Variants in SPAG17 observed in about 807,000 individuals in gnomAD.
The protein encoded by SPAG17 is sperm-associated antigen 17.
A neutral mutation model predicts 273.6 loss-of-function variants in SPAG17; 169 were observed. The ratio of observed to expected loss-of-function variants is 0.62; its 90% CI spans 0.55 to 0.70. The LOEUF (loss-of-function observed/expected upper bound fraction) is 0.70. SPAG17 is among the 30% of genes least tolerant of loss of function. SPAG17 has a pLI of 0.00. For synonymous variants in SPAG17, 825 were observed against 873.2 expected, an observed-to-expected ratio of 0.94 and a Z score of 0.97; for missense variants, 2,557 against 2,627.8, an observed-to-expected ratio of 0.97 and a Z score of 0.59.
At chr1:117,976,749 G>A (rs1412345403) in intron 43 of SPAG17, among the ~76,000 whole-genome samples, 9 of 152,182 alleles carry the variant, frequency 5.9e-5, no homozygotes, top group Admixed American at 5.9e-4. Context: ...GTACCAGTCT[G>A]GGGCAGAGCT....
intron 48 of SPAG17, chr1:117,963,444 A>G (rs923762067): frequency 6.4e-6 from 1 of 155,096 alleles, no homozygotes; most frequent in African/African-American, 2.4e-5. Flanking sequence ...GCTCACTGCA[A>G]GCTCCGCTTC....
intron 1 of SPAG17, among the ~76,000 whole-genome samples, chr1:118,179,834 T>C (rs1660859354): frequency 6.6e-6 from 1 of 151,842 alleles, no homozygotes; most frequent in African/African-American, 2.4e-5. Flanking sequence ...AAAAGGTATA[T>C]GAAAAGATGC....
At chr1:118,093,520 T>C (rs944950471) in intron 7 of SPAG17, among the ~76,000 whole-genome samples, 6 of 152,222 alleles carry the variant, frequency 3.9e-5, no homozygotes, top group East Asian at 1.9e-4. Flanking sequence ...TACCGCAATA[T>C]GGACTGTTTC....
intron 36 of SPAG17, 59 bp downstream of exon 36, chr1:117,992,407 A>AGC: frequency 1.4e-6 from 2 of 1,477,050 alleles, no homozygotes; most frequent in Non-Finnish European, 1.8e-6. Context: ...TTAGGAAACC[A>AGC]AAAGCAATGA....
chr1:118,116,514 C>A (rs1030789366), intron 3 of SPAG17, among the ~76,000 whole-genome samples: 4 of 152,180 alleles, frequency 2.6e-5, no homozygotes, highest in Admixed American at 2.6e-4. Context: ...GTGCACACTG[C>A]ATCTCACGGA....
intron 3 of SPAG17, among the ~76,000 whole-genome samples, chr1:118,128,520 A>T (rs533332453): frequency 6.6e-6 from 1 of 152,274 alleles, no homozygotes; most frequent in African/African-American, 2.4e-5. Flanking sequence ...GCTTCGTAGA[A>T]ATGACTCAGG....
intron 3 of SPAG17, among the ~76,000 whole-genome samples, chr1:118,116,654 T>C (rs1362567479): frequency 6.6e-6 from 1 of 152,192 alleles, no homozygotes; most frequent in Non-Finnish European, 1.5e-5. Context: ...CAGAAGGCTC[T>C]ATGGATTACC....
chr1:118,076,131 C>T (rs150107871), intron 15 of SPAG17, among the ~76,000 whole-genome samples: 7 of 151,836 alleles, frequency 4.6e-5, no homozygotes, highest in East Asian at 1.9e-4. Context: ...ATATATTAAA[C>T]GTGGAAATTA....
chr1:117,954,926 G>C (rs1651950397), intron 48 of SPAG17, among the ~76,000 whole-genome samples: 1 of 152,044 alleles, frequency 6.6e-6, no homozygotes, highest in Non-Finnish European at 1.5e-5. Flanking sequence ...ATTAACTTTT[G>C]AATCAGCCTT....
At chr1:118,073,516 G>GA (rs1317358184) in intron 17 of SPAG17, among the ~76,000 whole-genome samples, 23 of 151,846 alleles carry the variant, frequency 1.5e-4, no homozygotes, top group Admixed American at 1.1e-3. Flanking sequence ...AAACAATATG[G>GA]AAAAAAATAA....
intron 3 of SPAG17, among the ~76,000 whole-genome samples, chr1:118,126,800 C>G (rs1657761933): frequency 6.6e-6 from 1 of 152,144 alleles, no homozygotes; most frequent in Non-Finnish European, 1.5e-5. Context: ...ATGTTTTCTT[C>G]TACTAGTTTT....
chr1:118,089,053 C>T (rs148596846), intron 10 of SPAG17, among the ~76,000 whole-genome samples: 263 of 151,716 alleles, frequency 1.7e-3, no homozygotes, highest in Admixed American at 5.3e-3. Flanking sequence ...AGTAGGAGGA[C>T]GGGGAAGGGA....
At chr1:118,025,869 C>T (rs528313974) in intron 26 of SPAG17, among the ~76,000 whole-genome samples, 1 of 152,278 alleles carries the variant, frequency 6.6e-6, no homozygotes, top group African/African-American at 2.4e-5. Context: ...AATACTGGTT[C>T]TTTGATGACC....
chr1:118,110,780 A>C (rs1656710848), intron 4 of SPAG17, among the ~76,000 whole-genome samples: 1 of 152,178 alleles, frequency 6.6e-6, no homozygotes, highest in Non-Finnish European at 1.5e-5. Context: ...CTACAGGGAA[A>C]TGTCTCTGGG....
At chr1:118,106,987 G>A (rs999799536) in intron 4 of SPAG17, among the ~76,000 whole-genome samples, 1 of 152,186 alleles carries the variant, frequency 6.6e-6, no homozygotes, top group Non-Finnish European at 1.5e-5. Context: ...TCTGCAGAAA[G>A]GAGGGCGGAC....
intron 3 of SPAG17, among the ~76,000 whole-genome samples, chr1:118,143,189 A>G (rs1234978113): frequency 6.6e-6 from 1 of 152,238 alleles, no homozygotes; most frequent in Admixed American, 6.5e-5. Context: ...TAAACATATC[A>G]TAGAACTACT....
chr1:118,081,436 G>C lies in SPAG17; in HGVS notation c.1969C>G (p.Gln657Glu). 2.5e-6 allele frequency: 4 copies of C among 1,613,674 alleles called. No individual in the cohort carries two copies. Among genetic ancestry groups the C allele is most frequent in the Non-Finnish European group, 3.4e-6 (4 of 1,179,946 alleles). ...GTACCTGCTTTCTGCTTGGCCTCTTGAGTATTCATTTTCATGACATATTGC... is the reference window on the plus strand; with the variant it reads ...GTACCTGCTTTCTGCTTGGCCTCTTCAGTATTCATTTTCATGACATATTGC... ...RQQYVMKMNT[Q>E]EAKQKADIKI... The change falls in exon 14 of 49, where the codon CAA (glutamine) becomes GAA (glutamate). Residue 657 changes from glutamine (Q) to glutamate (E), a missense_variant. Physicochemically the swap from Gln to Glu is conservative, Grantham distance 29. Transcript: ENST00000336338.
intron 1 of SPAG17, among the ~76,000 whole-genome samples, chr1:118,172,942 C>T (rs962515873): frequency 3.3e-5 from 5 of 152,050 alleles, no homozygotes; most frequent in African/African-American, 1.2e-4. Flanking sequence ...TTAAACAAGT[C>T]TGGAAATTTT....
intron 30 of SPAG17, among the ~76,000 whole-genome samples, chr1:118,010,668 A>G (rs1370678426): frequency 6.6e-6 from 1 of 152,214 alleles, no homozygotes; most frequent in Admixed American, 6.5e-5. Context: ...AGATTTCATG[A>G]CAAAGATACC....
Sources: gnomAD v4.1 joint callset for allele counts (sites outside exome capture counted in the v4.1 genomes callset) on GRCh38, gnomAD v4.1.1 for gene constraint, MANE v1.5 for transcripts, NCBI Gene and HGNC (gene_info 2026-07-23, HGNC 2026-07-21) for gene names.